EBF2: variants seen among roughly 807,000 people sequenced by gnomAD.
EBF2 encodes the protein transcription factor COE2.
A neutral mutation model predicts 72.8 loss-of-function variants in EBF2; 21 were observed. The ratio of observed to expected loss-of-function variants is 0.29; its 90% CI spans 0.20 to 0.42. EBF2 has a LOEUF of 0.42. Ranked by LOEUF, EBF2 falls within the 10% of genes least tolerant of loss-of-function variation. The pLI is 1.00. For missense variants in EBF2, 637 were observed against 731.2 expected (o/e 0.87, Z 1.49); for synonymous variants, 299 against 274.2 (o/e 1.09, Z -0.89).
rs377076563 is a variant in EBF2 at position 25,858,485 on chromosome 8, G to A, written c.1362C>T (p.Ser454=). 1.7e-4 allele frequency: 274 copies of A among 1,613,756 alleles called. No individual in the cohort carries two copies. Among genetic ancestry groups the A allele is most frequent in the Non-Finnish European group, 2.1e-4 (251 of 1,179,984 alleles). Residue 454 remains serine, a synonymous_variant, in exon 14 of 16, where the codon AGC becomes AGT. Transcript: ENST00000520164. The part of the protein sequence containing the change: ...GNNQGYIRNT[S]SISPRGYSSS... ...AAGAGTATCCCCGCGGAGAGATGCTGCTTGTGTTGCGGATGTACCCTTGGC... is the reference window on the plus strand; with the variant it reads ...AAGAGTATCCCCGCGGAGAGATGCTACTTGTGTTGCGGATGTACCCTTGGC...
At chr8:25,990,842 C>T (rs568638110) in intron 6 of EBF2, among the ~76,000 whole-genome samples, 29 of 152,292 alleles carry the variant, frequency 1.9e-4, no homozygotes, top group Non-Finnish European at 2.8e-4. Context: ...CCAGGCAGAA[C>T]GGAAATATGT....
intron 6 of EBF2, among the ~76,000 whole-genome samples, chr8:25,982,743 G>A (rs1563199345): frequency 6.6e-6 from 1 of 151,980 alleles, no homozygotes; most frequent in Non-Finnish European, 1.5e-5. Flanking sequence ...AGGTGCTGGG[G>A]GAAAGTTCAG....
intron 10 of EBF2, among the ~76,000 whole-genome samples, chr8:25,871,319 A>G (rs550108842): frequency 2.2e-4 from 33 of 152,336 alleles, no homozygotes; most frequent in Admixed American, 1.9e-3. Flanking sequence ...GTGTTAATTT[A>G]CAACCTTGCC....
chr8:25,912,405 A>G (rs897174843), intron 6 of EBF2, among the ~76,000 whole-genome samples: 2 of 150,922 alleles, frequency 1.3e-5, no homozygotes, highest in African/African-American at 4.9e-5. Context: ...CCTTTGTAAT[A>G]TGTAAGTTAT....
At chr8:25,868,488 T>C (rs530697086) in intron 10 of EBF2, among the ~76,000 whole-genome samples, 2 of 152,352 alleles carry the variant, frequency 1.3e-5, no homozygotes, top group African/African-American at 2.4e-5. Flanking sequence ...TTGTTGTTGT[T>C]GTTGAGACAG....
rs1413482888 is a variant in EBF2 at position 25,928,495 on chromosome 8, CA to C, written c.552-19941del. Among the ~76,000 whole-genome samples the C allele has an allele frequency of 2.0e-5, 3 of 151,320 alleles. No homozygotes were observed. In the East Asian group the frequency reaches 5.8e-4, roughly 29 times the overall value. Reference sequence around the variant, plus strand: ...TCAGCACTAGTCCATGCCAGGACACCAGCTGACAATTTCTTGGTTTTATTGT... The same window carrying C: ...TCAGCACTAGTCCATGCCAGGACACCGCTGACAATTTCTTGGTTTTATTGT... On this transcript the variant is annotated intron_variant, in intron 6 of 15. Transcript: ENST00000520164.
chr8:26,040,854 TGA>T, intron 3 of EBF2, 83 bp downstream of exon 3: 6 of 1,579,860 alleles, frequency 3.8e-6, no homozygotes, highest in Admixed American at 1.7e-5. Flanking sequence ...ATGCGATCCC[TGA>T]GAGTGATCAT....
At position 25,842,812 on chromosome 8, in the gene EBF2, G is replaced by C. The variant is rs1489086191; in HGVS notation, c.*1797C>G. 5.3e-5 allele frequency: 8 copies of C among 152,176 alleles called. No homozygotes were observed. The allele number at this position is 152,176 out of a possible 1,614,324, so 9.4% of individuals were successfully genotyped here. ...CCTGCATCAATGGGTCAAAGAGAAG[G>C]TATGCAGAATTAATGAAATCATCTA... On this transcript the variant is annotated 3_prime_UTR_variant, in exon 16 of 16. Transcript: ENST00000520164.
rs184330239 is a variant in EBF2 at position 25,918,506 on chromosome 8, G to A, written c.552-9951C>T. Among the ~76,000 whole-genome samples the A allele has an allele frequency of 9.2e-5, 14 of 152,206 alleles. No individual in the cohort carries two copies. The East Asian group carries it at 1.9e-3, about 21-fold the overall frequency. On this transcript the variant is annotated intron_variant, in intron 6 of 15. Coordinates refer to ENST00000520164, the MANE Select transcript of EBF2 (RefSeq NM_022659.4). The stretch of plus-strand genomic sequence containing the variant: ...CCAATGTTTCAGAACACCTTCTGTC[G>A]CTAATTAATTTGCTGAATTATAATT...
chr8:25,969,665 C>T (rs1394261641), intron 6 of EBF2, among the ~76,000 whole-genome samples: 1 of 152,232 alleles, frequency 6.6e-6, no homozygotes, highest in Admixed American at 6.5e-5. Context: ...TTCCTTCTCA[C>T]TCATGAGTCT....
At chr8:25,909,054 T>C (rs4871959) in intron 6 of EBF2, among the ~76,000 whole-genome samples, 66,903 of 151,634 alleles carry the variant, frequency 0.44, 16,328 homozygotes, top group East Asian at 0.72. Context: ...GAAAATGATA[T>C]GTTATCTTCC....
chr8:26,031,857 C>T (rs1330009232), intron 6 of EBF2: 1 of 152,112 alleles, frequency 6.6e-6, no homozygotes, highest in East Asian at 1.9e-4. Context: ...TGACTGACTC[C>T]AAAGAGTCCT....
intron 10 of EBF2, among the ~76,000 whole-genome samples, chr8:25,876,653 A>G (rs1156927376): frequency 1.3e-5 from 2 of 152,088 alleles, no homozygotes; most frequent in African/African-American, 2.4e-5. Flanking sequence ...GACAAGACCA[A>G]ACAGATGGCC....
At chr8:25,920,052 A>G (rs1803282823) in intron 6 of EBF2, among the ~76,000 whole-genome samples, 1 of 152,142 alleles carries the variant, frequency 6.6e-6, no homozygotes, top group African/African-American at 2.4e-5. Flanking sequence ...TCAAGGAAAA[A>G]GAGCTTTCTG....
intron 14 of EBF2, among the ~76,000 whole-genome samples, chr8:25,855,426 G>A (rs957798471): frequency 6.6e-6 from 1 of 152,180 alleles, no homozygotes; most frequent in African/African-American, 2.4e-5. Flanking sequence ...CATTTTTGAA[G>A]TAGTGCGAGA....
chr8:25,934,224 TACACACACACACACACACAC>T lies in EBF2; in HGVS notation c.552-25689_552-25670del, dbSNP rs71216403. On this transcript the variant is annotated intron_variant, in intron 6 of 15. Transcript: ENST00000520164. ...CTGCTTATTGTTGACTTCATGTGCA[TACACACACACACACACACAC>T]ACACACACACACACACACACACACA... 3.2e-3 allele frequency among the ~76,000 whole-genome samples: 437 copies of T among 136,828 alleles called. 5 individuals are homozygous for T. Among genetic ancestry groups the T allele is most frequent in the East Asian group, 0.026 (120 of 4,572 alleles). 89.8% of individuals were successfully genotyped at this position (136,828 alleles called of 152,430 possible). A position where few individuals can be genotyped will look rare whatever the true frequency, so the allele number is the denominator to read the frequency against.
chr8:25,915,282 G>GA (rs201070548), intron 6 of EBF2, among the ~76,000 whole-genome samples: 1,742 of 139,232 alleles, frequency 0.013, 27 homozygotes, highest in African/African-American at 0.037. Flanking sequence ...CCAAGCTTTG[G>GA]AAAAAAAAAA....
intron 6 of EBF2, among the ~76,000 whole-genome samples, chr8:26,030,764 A>T (rs1805388478): frequency 6.6e-6 from 1 of 152,214 alleles, no homozygotes; most frequent in Non-Finnish European, 1.5e-5. Context: ...ATTTTATTGC[A>T]CATAGGATAG....
intron 7 of EBF2, among the ~76,000 whole-genome samples, chr8:25,896,495 A>G (rs1482433036): frequency 6.6e-6 from 1 of 152,212 alleles, no homozygotes; most frequent in African/African-American, 2.4e-5. Context: ...AGTGGGAAAA[A>G]AAATTCTTTA....
Sources: gnomAD v4.1 joint callset for allele counts (sites outside exome capture counted in the v4.1 genomes callset) on GRCh38, gnomAD v4.1.1 for gene constraint, MANE v1.5 for transcripts, NCBI Gene and HGNC (gene_info 2026-07-23, HGNC 2026-07-21) for gene names.